Variants in CERT1 observed in about 807,000 individuals in gnomAD.
CERT1 encodes ceramide transporter 1, also known as ceramide transfer protein.
A neutral mutation model predicts 87.9 loss-of-function variants in CERT1; 31 were observed. The observed-to-expected ratio is 0.35, with a 90% CI of 0.27 to 0.48. CERT1 has a LOEUF of 0.48. Ranked by LOEUF, CERT1 falls within the 20% of genes least tolerant of loss-of-function variation. The pLI is 0.99. For synonymous variants in CERT1, 289 were observed against 250.9 expected (o/e 1.15, Z -1.44); for missense variants, 487 against 758.0 (o/e 0.64, Z 4.20).
intron 2 of CERT1, among the ~76,000 whole-genome samples, chr5:75,482,672 C>G (rs1186442720): frequency 6.6e-6 from 1 of 152,170 alleles, no homozygotes; most frequent in Non-Finnish European, 1.5e-5. Context: ...CAGCTCCAGG[C>G]AGCTCAACGC....
Position 75,511,438 on chromosome 5 carries a change from C to T in CERT1, c.-231G>A, listed in dbSNP as rs1767993839. The T allele has an allele frequency of 2.0e-6, 3 of 1,537,056 alleles. No homozygotes were observed. The highest frequency in any genetic ancestry group is 2.6e-6 in the Non-Finnish European group (3 of 1,140,960). ...GGTGAAGGAAGCCTACCCTTCCAGC[C>T]GTCAGCCGCCGCCGCCGTCGCCGTG... is the stretch of plus-strand genomic sequence containing the variant. On this transcript the variant is annotated 5_prime_UTR_variant, in exon 1 of 17. Transcript: ENST00000643780.
At chr5:75,420,533 C>T (rs142021293) in intron 5 of CERT1, among the ~76,000 whole-genome samples, 18 of 151,844 alleles carry the variant, frequency 1.2e-4, no homozygotes, top group African/African-American at 3.1e-4. Flanking sequence ...TTAGTAGAGA[C>T]GGGGTTTGAC....
chr5:75,504,579 T>G (rs942569166), intron 2 of CERT1, among the ~76,000 whole-genome samples: 25 of 152,034 alleles, frequency 1.6e-4, no homozygotes, highest in African/African-American at 6.0e-4. Context: ...TCTGAAGTAT[T>G]ATATATATAT....
intron 2 of CERT1, among the ~76,000 whole-genome samples, chr5:75,465,651 G>A (rs1016529712): frequency 2.6e-5 from 4 of 152,176 alleles, no homozygotes; most frequent in Admixed American, 2.6e-4. Flanking sequence ...ACCCCTGCTG[G>A]GATTGCACCA....
chr5:75,384,741 T>C (rs764434459), intron 13 of CERT1, 29 bp from the exon 14 acceptor site: 14 of 1,341,220 alleles, frequency 1.0e-5, no homozygotes, highest in South Asian at 3.6e-5. Context: ...TAAAAAGATA[T>C]ATTATCTTTT....
chr5:75,496,607 G>GTA (rs1415263730), intron 2 of CERT1, among the ~76,000 whole-genome samples: 1 of 152,124 alleles, frequency 6.6e-6, no homozygotes, highest in Admixed American at 6.5e-5. Context: ...GCAAAATATG[G>GTA]TATATCCCTA....
chr5:75,413,616 G>A (rs1018575471), intron 7 of CERT1, among the ~76,000 whole-genome samples: 2 of 151,826 alleles, frequency 1.3e-5, no homozygotes, highest in African/African-American at 4.8e-5. Flanking sequence ...GTGAGACCCT[G>A]TCTCTCAAAA....
At chr5:75,474,839 G>A (rs147983946) in intron 2 of CERT1, among the ~76,000 whole-genome samples, 1 of 57,670 alleles carries the variant, frequency 1.7e-5, no homozygotes, top group East Asian at 5.7e-4. Context: ...ATCTCATGTA[G>A]TCTATTAGAC....
chr5:75,511,901 T>G, upstream of CERT1: 1 of 1,386,176 alleles, frequency 7.2e-7, no homozygotes, highest in South Asian at 1.3e-5. Context: ...GTAGTCGCGA[T>G]CCTGAGGTAA....
intron 12 of CERT1, among the ~76,000 whole-genome samples, chr5:75,389,168 G>A (rs1761930488): frequency 6.6e-6 from 1 of 152,090 alleles, no homozygotes; most frequent in Non-Finnish European, 1.5e-5. Flanking sequence ...AAATAAAGGT[G>A]CAGTAAGAGA....
chr5:75,397,573 T>C lies in CERT1; in HGVS notation c.1188+1737A>G, dbSNP rs1373428649. 7.9e-5 allele frequency among the ~76,000 whole-genome samples: 12 copies of C among 152,366 alleles called. No individual in the cohort carries two copies. The East Asian group carries it at 1.9e-3, about 24-fold the overall frequency. On this transcript the variant is annotated intron_variant, in intron 11 of 16. Transcript: ENST00000643780. ...TTACATTCTTTCTTTGCTGTCATTA[T>C]ATTTTCTTTCATTTATAGCCTATGT...
chr5:75,447,683 C>T (rs1764609241), intron 3 of CERT1, among the ~76,000 whole-genome samples: 1 of 151,840 alleles, frequency 6.6e-6, no homozygotes, highest in Non-Finnish European at 1.5e-5. Flanking sequence ...ACCATGTTCG[C>T]CAGGATGGTC....
chr5:75,461,303 G>C (rs572044855), intron 2 of CERT1, among the ~76,000 whole-genome samples: 3 of 152,134 alleles, frequency 2.0e-5, no homozygotes, highest in African/African-American at 7.2e-5. Context: ...ACCCTACAAC[G>C]AACTGTGTAT....
intron 2 of CERT1, among the ~76,000 whole-genome samples, chr5:75,496,146 A>C (rs1767056329): frequency 6.6e-6 from 1 of 152,136 alleles, no homozygotes; most frequent in Admixed American, 6.5e-5. Context: ...TTAAGACAAC[A>C]AACACAAGAT....
chr5:75,490,400 T>C (rs1371933420), intron 2 of CERT1, among the ~76,000 whole-genome samples: 4 of 151,306 alleles, frequency 2.6e-5, no homozygotes, highest in Non-Finnish European at 5.9e-5. Context: ...TTAGTCCTTG[T>C]CTGTTTTCCA....
intron 7 of CERT1, among the ~76,000 whole-genome samples, chr5:75,411,319 G>GTATA (rs1212146696): frequency 6.6e-6 from 1 of 152,020 alleles, no homozygotes; most frequent in African/African-American, 2.4e-5. Flanking sequence ...ATGTATGTAT[G>GTATA]TATGTATTTT....
At chr5:75,408,476 G>A (rs887781107) in intron 8 of CERT1, among the ~76,000 whole-genome samples, 12 of 152,088 alleles carry the variant, frequency 7.9e-5, no homozygotes, top group African/African-American at 2.4e-4. Flanking sequence ...TTATTGGGCC[G>A]TGAGAAATAG....
intron 3 of CERT1, among the ~76,000 whole-genome samples, chr5:75,451,746 C>G (rs1178401561): frequency 6.6e-6 from 1 of 152,054 alleles, no homozygotes; most frequent in Non-Finnish European, 1.5e-5. Context: ...ATTCTGCCAT[C>G]TAGTTATTTT....
intron 3 of CERT1, among the ~76,000 whole-genome samples, chr5:75,445,082 T>G (rs1388146840): frequency 6.6e-6 from 1 of 152,182 alleles, no homozygotes; most frequent in Non-Finnish European, 1.5e-5. Context: ...TTATATTCTG[T>G]GTGACTAAAA....
Sources: gnomAD v4.1 joint callset for allele counts (sites outside exome capture counted in the v4.1 genomes callset) on GRCh38, gnomAD v4.1.1 for gene constraint, MANE v1.5 for transcripts, NCBI Gene and HGNC (gene_info 2026-07-23, HGNC 2026-07-21) for gene names.